The following GALK2 variants were observed in gnomAD, a reference collection of about 807,000 sequenced individuals.
The protein encoded by GALK2 is N-acetylgalactosamine kinase.
GALK2 carries 36 observed loss-of-function variants against 52.4 expected under a neutral mutation model. The observed-to-expected ratio is 0.69, with a 90% CI of 0.53 to 0.91. The LOEUF is 0.91. Among genes scored for constraint, GALK2 ranks in the 40% least tolerant of loss-of-function variants. The pLI is 0.00. For synonymous variants in GALK2, 176 were observed against 199.1 expected, an observed-to-expected ratio of 0.88 and a Z score of 0.98; for missense variants, 579 against 559.1, an observed-to-expected ratio of 1.04 and a Z score of -0.36.
intron 5 of GALK2, among the ~76,000 whole-genome samples, chr15:49,241,934 CAA>C (rs1433647932): frequency 2.6e-5 from 4 of 152,058 alleles, no homozygotes; most frequent in African/African-American, 7.2e-5. Context: ...AAAAAGGGAA[CAA>C]TATGTATATC....
At chr15:49,156,331 G>T in intron 1 of GALK2, 1 of 419,114 alleles carries the variant, frequency 2.4e-6, no homozygotes, top group Non-Finnish European at 4.5e-6. Context: ...AAGGAGATGG[G>T]GGCTGCGGTG....
intron 8 of GALK2, among the ~76,000 whole-genome samples, chr15:49,310,972 G>C (rs1045408315): frequency 2.4e-4 from 37 of 152,236 alleles, no homozygotes; most frequent in African/African-American, 7.5e-4. Context: ...GCCTATACCA[G>C]TGTCCTGAAG....
At position 49,337,553 on chromosome 15, in the gene GALK2, TC is replaced by T. The variant is rs1216337513; in HGVS notation, c.426+17749del. ...TTTTTTTTAGTATTATACTTTAAGT[TC>T]TGGGATACATGTGCAGAACATGCAG... On this transcript the variant is annotated intron_variant, in intron 3 of 3. Transcript: ENST00000558399. Among the ~76,000 whole-genome samples the T allele has an allele frequency of 1.7e-4, 25 of 147,530 alleles. 1 individual carries two copies. Among genetic ancestry groups the T allele is most frequent in the Admixed American group, 1.6e-3 (23 of 14,756 alleles).
intron 3 of GALK2, among the ~76,000 whole-genome samples, chr15:49,337,729 C>T (rs537757873): frequency 2.0e-5 from 3 of 151,470 alleles, no homozygotes; most frequent in East Asian, 3.9e-4. Flanking sequence ...TCCATGTGTT[C>T]TCATTGTTCA....
intron 5 of GALK2, among the ~76,000 whole-genome samples, chr15:49,260,128 T>C (rs1320689781): frequency 4.6e-5 from 7 of 152,250 alleles, no homozygotes; most frequent in African/African-American, 7.2e-5. Flanking sequence ...ATGGTATTTC[T>C]AGTTCTAGAT....
intron 1 of GALK2, among the ~76,000 whole-genome samples, chr15:49,189,722 G>A (rs1443095715): frequency 2.6e-5 from 4 of 152,076 alleles, no homozygotes; most frequent in Non-Finnish European, 2.9e-5. Flanking sequence ...ACTAGTGGGT[G>A]GGTAGCATAT....
At chr15:49,220,345 G>A (rs565767688) in intron 3 of GALK2, among the ~76,000 whole-genome samples, 40 of 151,944 alleles carry the variant, frequency 2.6e-4, no homozygotes, top group Non-Finnish European at 5.0e-4. Flanking sequence ...TCCCACATAT[G>A]AGTGAGAATA....
chr15:49,167,370 T>C (rs2084855754), upstream of GALK2, among the ~76,000 whole-genome samples: 1 of 152,212 alleles, frequency 6.6e-6, no homozygotes, highest in Non-Finnish European at 1.5e-5. Flanking sequence ...CTTTTCTTTT[T>C]TTTTGAGATG....
At chr15:49,298,042 C>G (rs1030356570) in intron 8 of GALK2, among the ~76,000 whole-genome samples, 3 of 151,988 alleles carry the variant, frequency 2.0e-5, no homozygotes, top group African/African-American at 4.8e-5. Context: ...ATTCTTCAAA[C>G]CCATGAGCAT....
chr15:49,349,551 T>G (rs1157300392), intron 3 of GALK2, among the ~76,000 whole-genome samples: 1 of 152,204 alleles, frequency 6.6e-6, no homozygotes, highest in Non-Finnish European at 1.5e-5. Context: ...TTTAAAAATC[T>G]GAAATTGGTT....
intron 2 of GALK2, among the ~76,000 whole-genome samples, chr15:49,214,146 CT>C (rs2089176325): frequency 1.3e-5 from 2 of 151,890 alleles, no homozygotes; most frequent in South Asian, 2.1e-4. Context: ...AAAAACCCAA[CT>C]TTTTTTGTAT....
chr15:49,222,192 C>T (rs1189331008), intron 3 of GALK2, among the ~76,000 whole-genome samples: 2 of 151,852 alleles, frequency 1.3e-5, no homozygotes, highest in Admixed American at 6.6e-5. Context: ...TAATTTCTTT[C>T]TCAGCTAGTT....
chr15:49,223,851 T>G (rs556488839), intron 3 of GALK2, among the ~76,000 whole-genome samples: 3 of 152,266 alleles, frequency 2.0e-5, no homozygotes, highest in African/African-American at 4.8e-5. Flanking sequence ...AATGAACATA[T>G]GAGTGCATGT....
chr15:49,247,239 G>A (rs566923253), intron 5 of GALK2, among the ~76,000 whole-genome samples: 5 of 152,230 alleles, frequency 3.3e-5, no homozygotes, highest in East Asian at 1.9e-4. Flanking sequence ...GCGGGGAGAG[G>A]TGGGAGGTGA....
intron 5 of GALK2, among the ~76,000 whole-genome samples, chr15:49,250,564 G>C (rs1203069331): frequency 6.6e-6 from 1 of 152,124 alleles, no homozygotes; most frequent in African/African-American, 2.4e-5. Context: ...CATGTAACTG[G>C]AGTTGTCTGG....
At chr15:49,339,561 C>T (rs2040347276) in intron 3 of GALK2, among the ~76,000 whole-genome samples, 1 of 152,132 alleles carries the variant, frequency 6.6e-6, no homozygotes, top group Admixed American at 6.5e-5. Flanking sequence ...TGTCTGTTGG[C>T]CCCTACTGGG....
At chr15:49,245,821 G>T (rs990161261) in intron 5 of GALK2, among the ~76,000 whole-genome samples, 3 of 152,052 alleles carry the variant, frequency 2.0e-5, no homozygotes, top group African/African-American at 7.2e-5. Context: ...ATACAGTAAA[G>T]CTTTCTTTAT....
chr15:49,315,672 G>A (rs1415016780), intron 8 of GALK2, among the ~76,000 whole-genome samples: 1 of 152,130 alleles, frequency 6.6e-6, no homozygotes, highest in Non-Finnish European at 1.5e-5. Flanking sequence ...AGTTACTACC[G>A]TTCAAGAGAT....
At chr15:49,302,423 T>C (rs1025856877) in intron 8 of GALK2, among the ~76,000 whole-genome samples, 5 of 152,182 alleles carry the variant, frequency 3.3e-5, no homozygotes, top group Non-Finnish European at 5.9e-5. Context: ...GGCCATAATA[T>C]GCATAAGCTG....
Sources: allele counts gnomAD v4.1 joint callset (sites outside exome capture counted in the v4.1 genomes callset), GRCh38; gene constraint gnomAD v4.1.1; transcripts MANE v1.5; gene names NCBI Gene and HGNC (gene_info 2026-07-23, HGNC 2026-07-21).